The following FHIT variants were observed in gnomAD, a reference collection of about 807,000 sequenced individuals.
FHIT encodes fragile histidine triad diadenosine triphosphatase.
FHIT carries 19 observed loss-of-function variants against 17.9 expected under a neutral mutation model. The ratio of observed to expected loss-of-function variants is 1.06; its 90% CI spans 0.74 to 1.56. FHIT has a LOEUF of 1.56. FHIT is among the 40% of genes most tolerant of loss of function. The pLI is 0.00. For synonymous variants in FHIT, 81 were observed against 69.7 expected, an observed-to-expected ratio of 1.16 and a Z score of -0.81; for missense variants, 248 against 189.2, an observed-to-expected ratio of 1.31 and a Z score of -1.82.
chr3:60,306,110 T>C (rs549579907), intron 5 of FHIT, among the ~76,000 whole-genome samples: 5 of 152,190 alleles, frequency 3.3e-5, no homozygotes, highest in African/African-American at 1.2e-4. Flanking sequence ...TCATGAGGGG[T>C]ATTAAAGCGT....
intron 4 of FHIT, among the ~76,000 whole-genome samples, chr3:60,619,942 TA>T (rs2039071022): frequency 6.6e-6 from 1 of 151,770 alleles, no homozygotes; most frequent in South Asian, 2.1e-4. Flanking sequence ...TTATCCAAAA[TA>T]TTTTTTTTAA....
intron 4 of FHIT, chr3:60,537,507 T>A (rs2036027634): frequency 1.0e-6 from 1 of 969,140 alleles, no homozygotes. Context: ...ACTATTCTAG[T>A]AAAATCTCCA....
intron 5 of FHIT, among the ~76,000 whole-genome samples, chr3:60,019,414 C>T (rs1310450084): frequency 9.3e-6 from 1 of 107,072 alleles, no homozygotes; most frequent in African/African-American, 3.5e-5. Context: ...TTGAGATGCT[C>T]CTTTTTTTTT....
At chr3:61,056,924 C>G (rs569990849) in intron 2 of FHIT, among the ~76,000 whole-genome samples, 63 of 152,132 alleles carry the variant, frequency 4.1e-4, no homozygotes, top group African/African-American at 1.5e-3. Flanking sequence ...CTGTCACAAG[C>G]AAAAGATAAA....
chr3:60,535,322 T>C (rs1401062339), intron 5 of FHIT, among the ~76,000 whole-genome samples: 1 of 152,202 alleles, frequency 6.6e-6, no homozygotes, highest in Non-Finnish European at 1.5e-5. Context: ...TCTAAATTCA[T>C]ATTTTCATCC....
At chr3:60,252,709 G>C (rs895326375) in intron 5 of FHIT, among the ~76,000 whole-genome samples, 1 of 152,012 alleles carries the variant, frequency 6.6e-6, no homozygotes, top group East Asian at 1.9e-4. Context: ...AAAAAGACTG[G>C]GCTGGGCGCG....
At chr3:60,214,161 A>G (rs1703586950) in intron 5 of FHIT, among the ~76,000 whole-genome samples, 2 of 152,178 alleles carry the variant, frequency 1.3e-5, no homozygotes, top group Non-Finnish European at 2.9e-5. Flanking sequence ...TGAGAGTTTC[A>G]TATTTTTCAT....
intron 5 of FHIT, among the ~76,000 whole-genome samples, chr3:60,033,122 A>C (rs1048213140): frequency 6.6e-6 from 1 of 151,158 alleles, no homozygotes; most frequent in African/African-American, 2.4e-5. Context: ...ATCCTGATCC[A>C]ACCAAGCAAT....
intron 8 of FHIT, among the ~76,000 whole-genome samples, chr3:59,907,310 T>C (rs624225): frequency 0.13 from 19,363 of 152,224 alleles, 1,403 homozygotes; most frequent in Non-Finnish European, 0.17. Flanking sequence ...TGTAGCAGGC[T>C]AATATTTCAA....
intron 3 of FHIT, among the ~76,000 whole-genome samples, chr3:60,984,729 A>T (rs1307313239): frequency 1.3e-5 from 2 of 152,136 alleles, no homozygotes; most frequent in Non-Finnish European, 2.9e-5. Context: ...CTACAATAGA[A>T]TTGAATATAG....
intron 5 of FHIT, among the ~76,000 whole-genome samples, chr3:60,371,708 C>A (rs906162469): frequency 6.6e-5 from 10 of 152,018 alleles, no homozygotes; most frequent in Non-Finnish European, 1.3e-4. Flanking sequence ...TTAAAAAATA[C>A]CCCCAGATAG....
chr3:60,547,481 GATTA>G (rs1047555308), intron 4 of FHIT, among the ~76,000 whole-genome samples: 19 of 152,226 alleles, frequency 1.2e-4, no homozygotes, highest in Non-Finnish European at 2.2e-4. Flanking sequence ...ATTTCTAGCC[GATTA>G]CTTTCTTCTT....
At chr3:60,103,030 G>C (rs1038338517) in intron 5 of FHIT, among the ~76,000 whole-genome samples, 13 of 152,154 alleles carry the variant, frequency 8.5e-5, no homozygotes, top group African/African-American at 3.1e-4. Context: ...CTGTAGTATA[G>C]AAATTATGAA....
At chr3:60,095,947 C>T (rs1294288550) in intron 5 of FHIT, among the ~76,000 whole-genome samples, 1 of 152,154 alleles carries the variant, frequency 6.6e-6, no homozygotes, top group Non-Finnish European at 1.5e-5. Context: ...TCCACGTCAC[C>T]TCCCCAGGTG....
intron 4 of FHIT, among the ~76,000 whole-genome samples, chr3:60,667,863 A>T (rs1447938068): frequency 6.6e-6 from 1 of 151,948 alleles, no homozygotes; most frequent in African/African-American, 2.4e-5. Flanking sequence ...CTGCTTGATT[A>T]ATCTGGTTGC....
chr3:60,408,316 G>A (rs1459149634), intron 5 of FHIT, among the ~76,000 whole-genome samples: 1 of 152,030 alleles, frequency 6.6e-6, no homozygotes, highest in African/African-American at 2.4e-5. Context: ...AACATTTAAT[G>A]CCAACAAAGT....
At chr3:61,001,616 A>G (rs543694804) in intron 3 of FHIT, among the ~76,000 whole-genome samples, 127 of 152,346 alleles carry the variant, frequency 8.3e-4, no homozygotes, top group Middle Eastern at 3.4e-3. Context: ...AATCATAGAG[A>G]TCAAGAATAG....
intron 4 of FHIT, among the ~76,000 whole-genome samples, chr3:60,622,613 C>T (rs1452218903): frequency 1.3e-5 from 2 of 152,208 alleles, no homozygotes; most frequent in Middle Eastern, 3.2e-3. Flanking sequence ...GTCAACACTT[C>T]AGCCTGGGCT....
chr3:60,849,856 G>A (rs1703079898), intron 3 of FHIT, among the ~76,000 whole-genome samples: 1 of 151,996 alleles, frequency 6.6e-6, no homozygotes, highest in Admixed American at 6.6e-5. Flanking sequence ...AGCATATGGA[G>A]TCTTATTTAC....
Sources: gnomAD v4.1 joint callset for allele counts (sites outside exome capture counted in the v4.1 genomes callset) on GRCh38, gnomAD v4.1.1 for gene constraint, MANE v1.5 for transcripts, NCBI Gene and HGNC (gene_info 2026-07-23, HGNC 2026-07-21) for gene names.